The following PCNX4 variants were observed in gnomAD, a reference collection of about 807,000 sequenced individuals.
PCNX4 encodes pecanex 4, also known as pecanex-like protein 4.
A neutral mutation model predicts 107.2 loss-of-function variants in PCNX4; 103 were observed. The ratio of observed to expected loss-of-function variants is 0.96; its 90% CI spans 0.82 to 1.13. PCNX4 has a LOEUF of 1.13. Ranked by LOEUF, PCNX4 falls within the 50% of genes most tolerant of loss-of-function variation. The probability of loss-of-function intolerance (pLI) is 0.00; values close to 1 mark genes in which losing one functional copy is unlikely to be tolerated. For missense variants in PCNX4, 1,528 were observed against 1,379.4 expected (o/e 1.11, Z -1.71); for synonymous variants, 541 against 481.7 (o/e 1.12, Z -1.61).
chr14:60,118,673 A>G lies in PCNX4; in HGVS notation c.1923A>G (p.Ala641=). ...VPRLTAVLQT[A]MAAGSLGLLL... ...GGTTGACTGCTGTACTGCAGACTGC[A>G]ATGGCAGCTGGAAGTTTAGGTAAGT... The change falls in exon 7 of 11, where the codon GCA becomes GCG. Residue 641 remains alanine (A), a synonymous_variant. Coordinates refer to ENST00000406854, the MANE Select transcript of PCNX4 (RefSeq NM_001330177.2). 6.3e-7 allele frequency: 1 copy of G among 1,578,786 alleles called. No homozygotes were observed. Among genetic ancestry groups the G allele is most frequent in the South Asian group, 1.1e-5 (1 of 87,822 alleles).
At position 60,134,442 on chromosome 14, in the gene PCNX4, T is replaced by C; in HGVS notation, c.*221T>C. Reference sequence around the variant, plus strand: ...GATAAAAGAACTATTTGGCCAATATTTGTGCCCTCTGGACTTTAGTAGGCT... The same window carrying C: ...GATAAAAGAACTATTTGGCCAATATCTGTGCCCTCTGGACTTTAGTAGGCT... On this transcript the variant is annotated 3_prime_UTR_variant, in exon 11 of 11. Transcript: ENST00000406854. 1 of 515,064 alleles carries C rather than the reference T, an allele frequency of 1.9e-6. No individual in the cohort carries two copies. The highest frequency in any genetic ancestry group is 3.4e-6 in the Non-Finnish European group (1 of 298,310). The allele number at this position is 515,064 out of a possible 1,614,324, so 31.9% of individuals were successfully genotyped here. A position where few individuals can be genotyped will look rare whatever the true frequency, so the allele number is the denominator to read the frequency against.
intron 1 of PCNX4, among the ~76,000 whole-genome samples, chr14:60,107,033 A>G (rs1183189341): frequency 1.3e-5 from 2 of 152,218 alleles, no homozygotes; most frequent in African/African-American, 4.8e-5. Flanking sequence ...TATGTGAGTT[A>G]AAGTCTAATT....
At position 60,122,013 on chromosome 14, in the gene PCNX4, C is replaced by T. The variant is rs73310164; in HGVS notation, c.2046+714C>T. On this transcript the variant is annotated intron_variant, in intron 8 of 10. Transcript: ENST00000406854. ...AGCCTAGTAGTCCTTGCTGACAACT[C>T]TGTCCTTCTGGTTGTTCAGGCCAAA... is the stretch of plus-strand genomic sequence containing the variant. Among the ~76,000 whole-genome samples the T allele has an allele frequency of 2.9e-3, 443 of 152,308 alleles. 3 individuals are homozygous for T. The highest frequency in any genetic ancestry group is 0.01 in the African/African-American group (424 of 41,566).
rs1391328252 is a variant in PCNX4 at position 60,143,900 on chromosome 14, TGTTA to T, written c.*9680_*9683del. Reference sequence around the variant, plus strand: ...ATGTTTTCTGCTGTAAGGTGTTAAATGTTAAAGTAAAATTAATAATAGTAGAAGT... The same window carrying T: ...ATGTTTTCTGCTGTAAGGTGTTAAATAAGTAAAATTAATAATAGTAGAAGT... On this transcript the variant is annotated 3_prime_UTR_variant, in exon 11 of 11. Coordinates refer to ENST00000406854, the MANE Select transcript of PCNX4 (RefSeq NM_001330177.2). 6.6e-6 allele frequency: 1 copy of T among 152,248 alleles called. No individual in the cohort carries two copies. Among genetic ancestry groups the T allele is most frequent in the Non-Finnish European group, 1.5e-5 (1 of 68,046 alleles). The allele number at this position is 152,248 out of a possible 1,614,324, so 9.4% of individuals were successfully genotyped here. A position where few individuals can be genotyped will look rare whatever the true frequency, so the allele number is the denominator to read the frequency against.
chr14:60,113,429 C>T (rs1057151695), intron 2 of PCNX4, among the ~76,000 whole-genome samples: 16 of 152,086 alleles, frequency 1.1e-4, no homozygotes, highest in African/African-American at 3.1e-4. Context: ...AGTGCAATCA[C>T]GCAATCTCGG....
Position 60,114,720 on chromosome 14 carries a change from C to A in PCNX4, c.710C>A (p.Ala237Asp). ...LAHRFVVNMP[A>D]LEHMNQILHI... ...TATAGGTTTGTGGTAAATATGCCAG[C>A]TCTAGAACACATGAATCAGATTTTA... Residue 237 changes from alanine to aspartate, a missense_variant, in exon 3 of 11, where the codon GCT becomes GAT. Transcript: ENST00000406854. The A allele has an allele frequency of 6.2e-7, 1 of 1,613,002 alleles. No homozygotes were observed. Among genetic ancestry groups the A allele is most frequent in the Non-Finnish European group, 8.5e-7 (1 of 1,179,414 alleles).
In PCNX4 at chr14:60,145,045, A is replaced by T; in HGVS notation, c.*10824A>T. 6.8e-7 allele frequency: 1 copy of T among 1,462,982 alleles called. No individual in the cohort carries two copies. The highest frequency in any genetic ancestry group is 9.1e-7 in the Non-Finnish European group (1 of 1,095,418). 90.6% of individuals were successfully genotyped at this position (1,462,982 alleles called of 1,614,324 possible). A position where few individuals can be genotyped will look rare whatever the true frequency, so the allele number is the denominator to read the frequency against. The stretch of plus-strand genomic sequence containing the variant: ...AAGAGGGACAGAAACATGGATCAGT[A>T]CCTACTCCTATTTACTCCAGTTTTT... On this transcript the variant is annotated 3_prime_UTR_variant, in exon 11 of 11. Coordinates refer to ENST00000406854, the MANE Select transcript of PCNX4 (RefSeq NM_001330177.2). This position sits in a 1 kb window ranked among gnomAD's most constrained non-coding sequence, Gnocchi z 4.0.
At chr14:60,112,024 T>C (rs1566933033) in intron 2 of PCNX4, among the ~76,000 whole-genome samples, 1 of 152,232 alleles carries the variant, frequency 6.6e-6, no homozygotes. Context: ...AATTGTTTCT[T>C]AATTTTATTT....
chr14:60,121,406 A>G (rs1242524790), intron 8 of PCNX4, 107 bp downstream of exon 8: 4 of 1,197,098 alleles, frequency 3.3e-6, no homozygotes, highest in African/African-American at 3.1e-5. Context: ...TATCTTTTCA[A>G]TTACCTGTGA....
chr14:60,112,517 C>T (rs1029095233), intron 2 of PCNX4, among the ~76,000 whole-genome samples: 12 of 152,116 alleles, frequency 7.9e-5, no homozygotes, highest in Non-Finnish European at 1.6e-4. Flanking sequence ...AGAATAATCA[C>T]AATGTTTGAT....
chr14:60,108,580 C>A, intron 2 of PCNX4: 1 of 272,898 alleles, frequency 3.7e-6, no homozygotes, highest in Non-Finnish European at 7.2e-6. Flanking sequence ...TTTTGTGTTT[C>A]ACTTTAAATA....
chr14:60,098,076 G>A (rs968341966), intron 1 of PCNX4, among the ~76,000 whole-genome samples: 13 of 152,248 alleles, frequency 8.5e-5, no homozygotes, highest in African/African-American at 2.9e-4. Context: ...TCAGCCTTAT[G>A]GTTAAGGTCA....
intron 1 of PCNX4, among the ~76,000 whole-genome samples, chr14:60,101,415 A>T (rs1426254205): frequency 6.9e-6 from 1 of 145,588 alleles, no homozygotes; most frequent in Non-Finnish European, 1.5e-5. Context: ...GAACACTCAG[A>T]TTAAAGAAGA....
At chr14:60,107,075 A>G (rs970749848) in intron 1 of PCNX4, among the ~76,000 whole-genome samples, 11 of 152,158 alleles carry the variant, frequency 7.2e-5, no homozygotes, top group African/African-American at 2.7e-4. Flanking sequence ...AATAAAGAAT[A>G]TGATTTTTAA....
In PCNX4 at chr14:60,145,256, G is replaced by T. The variant is rs1477884413; in HGVS notation, c.*11035G>T. Reference sequence around the variant, plus strand: ...TTTAGAGGAGGTATAAATAGCATTGGACTGCAATGCTAAATTCTCTATAAT... The same window carrying T: ...TTTAGAGGAGGTATAAATAGCATTGTACTGCAATGCTAAATTCTCTATAAT... On this transcript the variant is annotated 3_prime_UTR_variant, in exon 11 of 11. Coordinates refer to ENST00000406854, the MANE Select transcript of PCNX4 (RefSeq NM_001330177.2). This position sits in a 1 kb window ranked among gnomAD's most constrained non-coding sequence, Gnocchi z 4.0. 3.0e-6 allele frequency: 1 copy of T among 332,644 alleles called. No homozygotes were observed. The highest frequency in any genetic ancestry group is 5.3e-6 in the Non-Finnish European group (1 of 186,922). The allele number at this position is 332,644 out of a possible 1,614,324, so 20.6% of individuals were successfully genotyped here. A position where few individuals can be genotyped will look rare whatever the true frequency, so the allele number is the denominator to read the frequency against.
rs1158636075 is a variant in PCNX4, at chr14:60,118,666, A to G, written c.1916A>G (p.Gln639Arg). The change falls in exon 7 of 11, where the codon CAG (glutamine) becomes CGG (arginine). Residue 639 changes from glutamine (Q) to arginine (R), a missense_variant. Coordinates refer to ENST00000406854, the MANE Select transcript of PCNX4 (RefSeq NM_001330177.2). ...QMVPRLTAVL[Q>R]TAMAAGSLGL... ...GTGCCCAGGTTGACTGCTGTACTGCAGACTGCAATGGCAGCTGGAAGTTTA... is the reference window on the plus strand; with the variant it reads ...GTGCCCAGGTTGACTGCTGTACTGCGGACTGCAATGGCAGCTGGAAGTTTA... The G allele has an allele frequency of 6.3e-7, 1 of 1,594,220 alleles. No homozygotes were observed. The highest frequency in any genetic ancestry group is 8.6e-7 in the Non-Finnish European group (1 of 1,166,332).
rs1347044403 is a variant in PCNX4 at position 60,138,617 on chromosome 14, C to T, written c.*4396C>T. On this transcript the variant is annotated 3_prime_UTR_variant, in exon 11 of 11. Transcript: ENST00000406854. ...AGAAAATATCTGCAATTTTAGAATT[C>T]AATACCCAGCCTTTCCCCAAAAACA... 6.6e-6 allele frequency: 1 copy of T among 152,070 alleles called. No homozygotes were observed. Among genetic ancestry groups the T allele is most frequent in the Admixed American group, 6.5e-5 (1 of 15,268 alleles). The allele number at this position is 152,070 out of a possible 1,614,324, so 9.4% of individuals were successfully genotyped here.
chr14:60,117,525 T>C (rs1227593824), intron 6 of PCNX4, among the ~76,000 whole-genome samples: 1 of 152,226 alleles, frequency 6.6e-6, no homozygotes, highest in Non-Finnish European at 1.5e-5. Flanking sequence ...AGTGAACATA[T>C]GTTTTCATTT....
intron 10 of PCNX4, among the ~76,000 whole-genome samples, chr14:60,130,657 C>T (rs1428247067): frequency 2.6e-5 from 4 of 151,956 alleles, no homozygotes; most frequent in African/African-American, 9.7e-5. Context: ...ATTGTTGGGC[C>T]TATAACATAT....
Sources: allele counts gnomAD v4.1 joint callset (sites outside exome capture counted in the v4.1 genomes callset), GRCh38; gene constraint gnomAD v4.1.1; non-coding constraint Gnocchi (gnomAD v3.1); transcripts MANE v1.5; gene names NCBI Gene and HGNC (gene_info 2026-07-23, HGNC 2026-07-21).